The following PRPF6 variants were observed in gnomAD, a reference collection of about 807,000 sequenced individuals.
The protein encoded by PRPF6 is pre-mRNA processing factor 6.
In PRPF6, 42 loss-of-function variants were observed where a neutral mutation model predicts 118.3. The observed-to-expected ratio is 0.35, with a 90% CI of 0.28 to 0.46. The LOEUF (loss-of-function observed/expected upper bound fraction) is 0.46, where lower values mean the gene tolerates loss of function less well. Among genes scored for constraint, PRPF6 ranks in the 20% least tolerant of loss-of-function variants. The pLI is 1.00. For synonymous variants in PRPF6, 481 were observed against 485.1 expected (o/e 0.99, Z 0.11); for missense variants, 662 against 1,255.7 (o/e 0.53, Z 7.15).
chr20:64,024,342 T>C (rs2059278371), intron 13 of PRPF6, among the ~76,000 whole-genome samples: 1 of 152,220 alleles, frequency 6.6e-6, no homozygotes, highest in African/African-American at 2.4e-5. Context: ...AATGCATTCC[T>C]TTGTAGAACC....
intron 11 of PRPF6, 71 bp from the exon 12 acceptor site, chr20:64,016,652 C>G: frequency 6.3e-7 from 1 of 1,590,338 alleles, no homozygotes; most frequent in Non-Finnish European, 8.6e-7. Flanking sequence ...TTCAGGAACT[C>G]CGTACTCCCC....
At chr20:64,005,007 T>G (rs1324085668) in intron 9 of PRPF6, among the ~76,000 whole-genome samples, 1 of 152,210 alleles carries the variant, frequency 6.6e-6, no homozygotes, top group Non-Finnish European at 1.5e-5. Context: ...CCGGAGAGCA[T>G]GTTGGCCTCT....
intron 4 of PRPF6, 69 bp from the exon 5 acceptor site, chr20:63,994,847 G>A (rs767369491): frequency 6.3e-7 from 1 of 1,589,726 alleles, no homozygotes; most frequent in Admixed American, 1.7e-5. Context: ...GTGAGAGAGG[G>A]CATGGTCCTA....
In PRPF6 at chr20:64,027,775, C is replaced by T. The variant is rs571643912; in HGVS notation, c.2339+39C>T. The T allele has an allele frequency of 8.1e-6, 13 of 1,612,744 alleles. No individual in the cohort carries two copies. In the South Asian group the frequency reaches 1.4e-4, roughly 18 times the overall value. On this transcript the variant is annotated intron_variant, in intron 17 of 20. Transcript: ENST00000266079. The surrounding 1 kb of genome is among the most constrained non-coding windows in gnomAD (Gnocchi z 6.5). ...GGGGCAGCCTGGCCTCTGGGCACAGCTTCCCCATCAGGTGGGCCGCCGTCA... is the reference window on the plus strand; with the variant it reads ...GGGGCAGCCTGGCCTCTGGGCACAGTTTCCCCATCAGGTGGGCCGCCGTCA...
intron 1 of PRPF6, among the ~76,000 whole-genome samples, chr20:63,982,153 A>G (rs2059072181): frequency 6.6e-6 from 1 of 151,940 alleles, no homozygotes; most frequent in African/African-American, 2.4e-5. Flanking sequence ...TAGAAAGATC[A>G]TGACCCTTCA....
Position 64,029,561 on chromosome 20 carries a change from C to T in PRPF6, c.2546+70C>T. On this transcript the variant is annotated intron_variant, in intron 19 of 20. Coordinates refer to ENST00000266079, the MANE Select transcript of PRPF6 (RefSeq NM_012469.4). This position sits in a 1 kb window ranked among gnomAD's most constrained non-coding sequence, Gnocchi z 4.8. ...GGGCTCTTTTTCCAGAGTCTGTCTG[C>T]CTCTTCCTGGTCATTGTAAAGATGC... is the stretch of plus-strand genomic sequence containing the variant. 1 of 1,320,342 alleles carries T rather than the reference C, an allele frequency of 7.6e-7. No homozygotes were observed. Among genetic ancestry groups the T allele is most frequent in the African/African-American group, 1.4e-5 (1 of 69,226 alleles). 81.8% of individuals were successfully genotyped at this position (1,320,342 alleles called of 1,614,324 possible). A position where few individuals can be genotyped will look rare whatever the true frequency, so the allele number is the denominator to read the frequency against.
intron 4 of PRPF6, 145 bp downstream of exon 4, chr20:63,993,630 T>G: frequency 1.4e-6 from 1 of 709,444 alleles, no homozygotes; most frequent in South Asian, 1.5e-5. Context: ...AAGTGTTTGC[T>G]TCAGTATGTT....
At chr20:64,007,244 C>T (rs955287494) in intron 9 of PRPF6, among the ~76,000 whole-genome samples, 1 of 152,206 alleles carries the variant, frequency 6.6e-6, no homozygotes, top group Non-Finnish European at 1.5e-5. Context: ...CAGCAGGTTG[C>T]TCAGTCATTT....
At chr20:63,999,445 G>A (rs1418606403) in intron 7 of PRPF6, among the ~76,000 whole-genome samples, 158 bp from the exon 8 acceptor site, 1 of 152,220 alleles carries the variant, frequency 6.6e-6, no homozygotes, top group African/African-American at 2.4e-5. Flanking sequence ...CAGAGGCTTG[G>A]AATAGTGCGC....
chr20:64,025,040 A>AG (rs1302592900), intron 14 of PRPF6, among the ~76,000 whole-genome samples: 2 of 152,170 alleles, frequency 1.3e-5, no homozygotes, highest in East Asian at 1.9e-4. Flanking sequence ...GGTTGTCATG[A>AG]GGGGGGTGTG....
At position 64,028,942 on chromosome 20, in the gene PRPF6, C is replaced by G. The variant is rs2059303173; in HGVS notation, c.2431+373C>G. Reference sequence around the variant, plus strand: ...TTGAGAGACTGAGGCGGGAGGATTGCTTGAGTCCAGGAGTCCATTGCTTGA... The same window carrying G: ...TTGAGAGACTGAGGCGGGAGGATTGGTTGAGTCCAGGAGTCCATTGCTTGA... On this transcript the variant is annotated intron_variant, in intron 18 of 20. Transcript: ENST00000266079. The surrounding 1 kb of genome is among the most constrained non-coding windows in gnomAD (Gnocchi z 6.5). Among the ~76,000 whole-genome samples, 1 of 152,116 alleles carries G rather than the reference C, an allele frequency of 6.6e-6. No individual in the cohort carries two copies.
intron 9 of PRPF6, among the ~76,000 whole-genome samples, chr20:64,006,520 C>T (rs1423995641): frequency 6.6e-6 from 1 of 152,014 alleles, no homozygotes; most frequent in Non-Finnish European, 1.5e-5. Flanking sequence ...TTTGGTTTCA[C>T]TGTGTTGGCC....
chr20:64,013,413 T>G (rs960480844), intron 11 of PRPF6, among the ~76,000 whole-genome samples: 11 of 152,112 alleles, frequency 7.2e-5, no homozygotes, highest in African/African-American at 2.7e-4. Flanking sequence ...CAGTTTGTCT[T>G]TCTTTCCTTC....
chr20:63,987,189 A>AAAAAG (rs1555916398), intron 3 of PRPF6, among the ~76,000 whole-genome samples: 5 of 117,176 alleles, frequency 4.3e-5, no homozygotes, highest in African/African-American at 1.5e-4. Flanking sequence ...AAAAAAAAAA[A>AAAAAG]GGGGGGGGGA....
At chr20:64,018,308 A>C (rs1164676554) in intron 12 of PRPF6, among the ~76,000 whole-genome samples, 4 of 152,172 alleles carry the variant, frequency 2.6e-5, no homozygotes, top group Admixed American at 1.3e-4. Context: ...AGAGAGCCTC[A>C]GCCTTTGTTG....
chr20:63,985,792 ATC>A (rs1176873910), intron 3 of PRPF6, among the ~76,000 whole-genome samples: 1 of 152,232 alleles, frequency 6.6e-6, no homozygotes, highest in Admixed American at 6.5e-5. Flanking sequence ...ACATCTCAGG[ATC>A]TGATTGCTTC....
At chr20:63,989,640 C>G (rs1371363710) in intron 3 of PRPF6, among the ~76,000 whole-genome samples, 4 of 152,062 alleles carry the variant, frequency 2.6e-5, no homozygotes, top group Non-Finnish European at 5.9e-5. Context: ...CTCAGCCTCC[C>G]AAGTAGCTGG....
rs556702575 is a variant in PRPF6, at chr20:64,019,852, C to G, written c.1648-2905C>G. 2.0e-5 allele frequency among the ~76,000 whole-genome samples: 3 copies of G among 152,340 alleles called. No individual in the cohort carries two copies. In the South Asian group the frequency reaches 6.2e-4, roughly 32 times the overall value. On this transcript the variant is annotated intron_variant, in intron 12 of 20. Coordinates refer to ENST00000266079, the MANE Select transcript of PRPF6 (RefSeq NM_012469.4). ...GCATCAGGTCTGAGTGAAGAAATCT[C>G]AGTGACATCCCCACTCCTCGTCCTC...
intron 1 of PRPF6, among the ~76,000 whole-genome samples, chr20:63,982,260 C>T (rs916925718): frequency 1.3e-5 from 2 of 151,986 alleles, no homozygotes; most frequent in African/African-American, 4.8e-5. Context: ...GCAATCTCTG[C>T]CCCCCGGGTT....
Sources: gnomAD v4.1 joint callset for allele counts (sites outside exome capture counted in the v4.1 genomes callset) on GRCh38, gnomAD v4.1.1 for gene constraint, Gnocchi (gnomAD v3.1) non-coding constraint, MANE v1.5 for transcripts, NCBI Gene and HGNC (gene_info 2026-07-23, HGNC 2026-07-21) for gene names.